SRGAP3: variants seen among roughly 807,000 people sequenced by gnomAD.
SRGAP3 encodes SLIT-ROBO Rho GTPase activating protein 3, also known as SLIT-ROBO Rho GTPase-activating protein 3.
A neutral mutation model predicts 121.1 loss-of-function variants in SRGAP3; 39 were observed. That is an observed-to-expected ratio of 0.32 (90% CI 0.25 to 0.42). SRGAP3 has a LOEUF of 0.42. Ranked by LOEUF, SRGAP3 falls within the 10% of genes least tolerant of loss-of-function variation. The pLI, the probability that SRGAP3 is intolerant of heterozygous loss-of-function variation, is 1.00. For synonymous variants in SRGAP3, 601 were observed against 570.0 expected (o/e 1.05, Z -0.77); for missense variants, 1,213 against 1,470.6 (o/e 0.82, Z 2.86).
At chr3:9,058,142 C>T (rs1219598972) in intron 7 of SRGAP3, 109 bp downstream of exon 7, 2 of 1,206,736 alleles carry the variant, frequency 1.7e-6, no homozygotes, top group Non-Finnish European at 1.2e-6. Flanking sequence ...AGCTTGACCC[C>T]AGGCGTCGGA....
intron 3 of SRGAP3, among the ~76,000 whole-genome samples, chr3:9,103,351 T>C (rs1279471294): frequency 6.6e-6 from 1 of 152,186 alleles, no homozygotes; most frequent in Non-Finnish European, 1.5e-5. Context: ...ATTCGCATAA[T>C]AATAGTCAGC....
rs769145478 is a variant in SRGAP3, at chr3:8,985,905, G to C, written c.2914C>G (p.Leu972Val). ...CTCTCGAGTTCCCGCAACTCGTGCAGAGCCGTGCTCATGGTCTTCTCGATG... is the reference window on the plus strand; with the variant it reads ...CTCTCGAGTTCCCGCAACTCGTGCACAGCCGTGCTCATGGTCTTCTCGATG... Reference protein sequence around the residue: ...EDIEKTMSTALHELRELERQN... With the variant: ...EDIEKTMSTAVHELRELERQN... Residue 972 changes from leucine to valine, a missense_variant, in exon 22 of 22, where the codon CTG becomes GTG. Coordinates refer to ENST00000383836, the MANE Select transcript of SRGAP3 (RefSeq NM_014850.4). The surrounding 1 kb of genome is among the most constrained non-coding windows in gnomAD (Gnocchi z 5.1). 53 of 1,599,682 alleles carry C rather than the reference G, an allele frequency of 3.3e-5. No homozygotes were observed. The highest frequency in any genetic ancestry group is 4.5e-5 in the Non-Finnish European group (53 of 1,179,950).
At chr3:9,102,827 C>T (rs1948271219) in intron 3 of SRGAP3, among the ~76,000 whole-genome samples, 1 of 152,190 alleles carries the variant, frequency 6.6e-6, no homozygotes, top group African/African-American at 2.4e-5. Context: ...TCACTTGTCC[C>T]AGGGCTCAGC....
chr3:9,046,468 G>A (rs925701242), intron 10 of SRGAP3, among the ~76,000 whole-genome samples: 2 of 152,236 alleles, frequency 1.3e-5, no homozygotes, highest in African/African-American at 4.8e-5. Context: ...AAGGGAGAAT[G>A]ACTGATGAGG....
At chr3:9,170,228 A>T (rs866113333) in intron 1 of SRGAP3, among the ~76,000 whole-genome samples, 4 of 151,616 alleles carry the variant, frequency 2.6e-5, no homozygotes, top group Non-Finnish European at 2.9e-5. Context: ...ACAAACCAAA[A>T]CTCTTTGACA....
chr3:9,318,909 A>G (rs1465789146), intron 3 of SRGAP3, among the ~76,000 whole-genome samples: 1 of 151,564 alleles, frequency 6.6e-6, no homozygotes, highest in Non-Finnish European at 1.5e-5. Flanking sequence ...GAAAAGAAAG[A>G]AAGAAAATCA....
At chr3:9,213,135 C>T (rs1181634303) in intron 1 of SRGAP3, among the ~76,000 whole-genome samples, 1 of 152,194 alleles carries the variant, frequency 6.6e-6, no homozygotes, top group African/African-American at 2.4e-5. Context: ...TCTGGGATCA[C>T]GGCTGCTCCT....
intron 9 of SRGAP3, among the ~76,000 whole-genome samples, chr3:9,052,344 C>T (rs528899629): frequency 9.9e-5 from 15 of 152,174 alleles, no homozygotes; most frequent in Admixed American, 5.2e-4. Flanking sequence ...AGGCACAATG[C>T]AAACAAAAGG....
intron 3 of SRGAP3, among the ~76,000 whole-genome samples, chr3:9,319,369 G>T (rs1257616087): frequency 6.6e-6 from 1 of 151,874 alleles, no homozygotes; most frequent in African/African-American, 2.4e-5. Context: ...ATGTGTGTTA[G>T]GAAATCATTT....
rs73811457 is a variant in SRGAP3 at position 9,234,332 on chromosome 3, T to C, written c.67+14553A>G. Among the ~76,000 whole-genome samples, 780 of 152,192 alleles carry C rather than the reference T, an allele frequency of 5.1e-3. 6 individuals are homozygous for C. The highest frequency in any genetic ancestry group is 0.018 in the African/African-American group (760 of 41,512). ...GAGGCCACTGATCAAAGTAAAGACA[T>C]TGTGACTGCCAACTCTGCTTGGAAG... is the stretch of plus-strand genomic sequence containing the variant. On this transcript the variant is annotated intron_variant, in intron 1 of 21. Transcript: ENST00000383836.
Position 9,348,436 on chromosome 3 carries a change from C to T in SRGAP3, n.214+14404G>A, listed in dbSNP as rs148485904. ...CCCAGTCAGCGTCGCATCCCCAGCC[C>T]GCCACCATGGCTGCCTACAAATTGG... On this transcript the variant is annotated intron_variant and non_coding_transcript_variant, in intron 1 of 3. Coordinates refer to the SRGAP3 transcript ENST00000490889. The T allele has an allele frequency of 5.4e-4, 340 of 635,186 alleles. 2 individuals carry two copies. The highest frequency in any genetic ancestry group is 5.2e-3 in the African/African-American group (293 of 56,436). The allele number at this position is 635,186 out of a possible 1,614,324, so 39.3% of individuals were successfully genotyped here.
intron 3 of SRGAP3, among the ~76,000 whole-genome samples, chr3:9,091,491 C>T (rs1300399560): frequency 6.6e-6 from 1 of 152,130 alleles, no homozygotes; most frequent in Non-Finnish European, 1.5e-5. Context: ...AATCACAAAA[C>T]TTGAGACCCA....
chr3:9,324,568 A>G (rs537654402), intron 3 of SRGAP3, among the ~76,000 whole-genome samples: 2 of 152,056 alleles, frequency 1.3e-5, no homozygotes, highest in Non-Finnish European at 1.5e-5. Flanking sequence ...CACATTTAAC[A>G]CGAGTGACTT....
intron 1 of SRGAP3, among the ~76,000 whole-genome samples, chr3:9,332,629 T>C (rs529079810): frequency 4.5e-4 from 69 of 152,348 alleles, no homozygotes; most frequent in African/African-American, 1.6e-3. Context: ...TTTTTCTATA[T>C]AAAAGAAAAG....
In SRGAP3 at chr3:8,992,939, A is replaced by G. The variant is rs200607295; in HGVS notation, c.2525T>C (p.Ile842Thr). 6.2e-6 allele frequency: 10 copies of G among 1,614,044 alleles called. No homozygotes were observed. Among genetic ancestry groups the G allele is most frequent in the Non-Finnish European group, 8.5e-6 (10 of 1,180,032 alleles). ...KNDLQSPTEH[I>T]SDYGFGGVMG... ...CACCCCCCCAAAGCCGTAATCCGAGATGTGCTCCGTGGGGGACTGGAGGTC... is the reference window on the plus strand; with the variant it reads ...CACCCCCCCAAAGCCGTAATCCGAGGTGTGCTCCGTGGGGGACTGGAGGTC... The change falls in exon 20 of 22, where the codon ATC becomes ACC. Residue 842 changes from isoleucine to threonine, a missense_variant. Ile to Thr is a moderately conservative substitution (Grantham distance 89, BLOSUM62 -1). Transcript: ENST00000383836.
chr3:9,039,678 CT>C (rs1382381854), intron 10 of SRGAP3, among the ~76,000 whole-genome samples: 1 of 106,646 alleles, frequency 9.4e-6, no homozygotes, highest in Non-Finnish European at 2.4e-5. Context: ...CCCTAATCTA[CT>C]CTCTGTCTCT....
intron 3 of SRGAP3, among the ~76,000 whole-genome samples, chr3:9,093,823 C>T (rs78656825): frequency 0.015 from 2,241 of 152,316 alleles, 20 homozygotes; most frequent in Middle Eastern, 0.02. Flanking sequence ...TTCAATGGAT[C>T]TCTAATGTCT....
chr3:9,344,205 A>T (rs1955843938), intron 1 of SRGAP3, among the ~76,000 whole-genome samples: 1 of 152,206 alleles, frequency 6.6e-6, no homozygotes, highest in Non-Finnish European at 1.5e-5. Context: ...CTGTAATCCC[A>T]GAACTTTGGG....
intron 2 of SRGAP3, among the ~76,000 whole-genome samples, chr3:9,122,437 C>T (rs538739470): frequency 2.0e-5 from 3 of 152,052 alleles, no homozygotes; most frequent in Admixed American, 6.5e-5. Context: ...TGGCTGGGCG[C>T]GGTGGCTCAC....
Sources: gnomAD v4.1 joint callset for allele counts (sites outside exome capture counted in the v4.1 genomes callset) on GRCh38, gnomAD v4.1.1 for gene constraint, Gnocchi (gnomAD v3.1) non-coding constraint, MANE v1.5 for transcripts, NCBI Gene and HGNC (gene_info 2026-07-23, HGNC 2026-07-21) for gene names.